Variants in ADPGK observed in about 807,000 individuals in gnomAD.
ADPGK encodes the protein ADP-dependent glucokinase.
A neutral mutation model predicts 42.4 loss-of-function variants in ADPGK; 26 were observed. The observed-to-expected ratio is 0.61, with a 90% CI of 0.45 to 0.85. ADPGK has a LOEUF of 0.85. ADPGK is among the 40% of genes least tolerant of loss of function. The probability of loss-of-function intolerance (pLI) is 0.00; values close to 1 mark genes in which losing one functional copy is unlikely to be tolerated. For missense variants in ADPGK, 571 were observed against 627.0 expected (o/e 0.91, Z 0.95); for synonymous variants, 267 against 252.6 (o/e 1.06, Z -0.54).
chr15:72,780,400 A>C (rs374429575), intron 1 of ADPGK, among the ~76,000 whole-genome samples: 2 of 152,322 alleles, frequency 1.3e-5, no homozygotes, highest in South Asian at 2.1e-4. Flanking sequence ...CCATGATTCA[A>C]TTACCTCCAC....
chr15:72,768,952 T>G (rs2066293792), intron 3 of ADPGK, among the ~76,000 whole-genome samples: 1 of 142,838 alleles, frequency 7.0e-6, no homozygotes, highest in Non-Finnish European at 1.5e-5. Context: ...CCAGCCTGGA[T>G]GACAAGGCCA....
At chr15:72,766,836 CAT>C (rs1169362785) in intron 3 of ADPGK, among the ~76,000 whole-genome samples, 1 of 151,660 alleles carries the variant, frequency 6.6e-6, no homozygotes, top group Non-Finnish European at 1.5e-5. Context: ...AAAATGAAAT[CAT>C]AGAAAATAAT....
intron 4 of ADPGK, among the ~76,000 whole-genome samples, chr15:72,759,397 T>C (rs1015237829): frequency 7.2e-5 from 11 of 152,236 alleles, no homozygotes; most frequent in African/African-American, 2.7e-4. Context: ...AAGTATGAAT[T>C]GCCTACGTCA....
chr15:72,774,567 C>T (rs1402252269), intron 2 of ADPGK, among the ~76,000 whole-genome samples: 1 of 152,156 alleles, frequency 6.6e-6, no homozygotes, highest in African/African-American at 2.4e-5. Flanking sequence ...AAAGGAGGTT[C>T]TCAGACCTAC....
At position 72,764,919 on chromosome 15, in the gene ADPGK, T is replaced by TAA. The variant is rs377535649; in HGVS notation, c.523-4394_523-4393dup. Among the ~76,000 whole-genome samples the TAA allele has an allele frequency of 2.1e-4, 32 of 150,516 alleles. No individual in the cohort carries two copies. The South Asian group carries it at 3.1e-3, about 15-fold the overall frequency. ...CTACTCTGCCTGTGTTCTATATATA[T>TAA]AACAAAGCCTGAATGACAGCATACC... On this transcript the variant is annotated intron_variant, in intron 3 of 6. Transcript: ENST00000456471.
chr15:72,761,822 C>T (rs911383262), intron 3 of ADPGK, among the ~76,000 whole-genome samples: 1 of 152,064 alleles, frequency 6.6e-6, no homozygotes. Flanking sequence ...CCTCAGCCTC[C>T]CGAGTAGCTG....
At chr15:72,761,288 G>A (rs1444027184) in intron 3 of ADPGK, among the ~76,000 whole-genome samples, 1 of 152,172 alleles carries the variant, frequency 6.6e-6, no homozygotes, top group Non-Finnish European at 1.5e-5. Context: ...CAACAAAGCT[G>A]CCAGATGAAA....
At chr15:72,759,724 T>G (rs1463294860) in intron 4 of ADPGK, among the ~76,000 whole-genome samples, 1 of 152,216 alleles carries the variant, frequency 6.6e-6, no homozygotes. Flanking sequence ...GTCTGAGTTC[T>G]GAGCAGAGGG....
At chr15:72,767,124 A>G (rs1175040984) in intron 3 of ADPGK, among the ~76,000 whole-genome samples, 1 of 152,226 alleles carries the variant, frequency 6.6e-6, no homozygotes, top group Non-Finnish European at 1.5e-5. Context: ...ATACTAATCA[A>G]ATGAAAGCTG....
At chr15:72,756,536 G>A in intron 4 of ADPGK, 89 bp from the exon 5 acceptor site, 1 of 1,413,020 alleles carries the variant, frequency 7.1e-7, no homozygotes, top group Middle Eastern at 1.8e-4. Flanking sequence ...CCTCACAGGA[G>A]CCTTGGCTCC....
rs2066051666 is a variant in ADPGK, at chr15:72,752,009, T to C, written c.*332A>G. ...GGTGAGTGGGCGTGCACTTCTCAAG[T>C]GGGCAAGGAAGAACTGCTTTTCTCC... On this transcript the variant is annotated 3_prime_UTR_variant, in exon 7 of 7. Coordinates refer to ENST00000456471, the MANE Select transcript of ADPGK (RefSeq NM_001365225.1). 3.7e-6 allele frequency: 1 copy of C among 270,016 alleles called. No homozygotes were observed. The highest frequency in any genetic ancestry group is 5.7e-5 in the South Asian group (1 of 17,660). The allele number at this position is 270,016 out of a possible 1,614,324, so 16.7% of individuals were successfully genotyped here.
In ADPGK at chr15:72,752,474, T is replaced by C; in HGVS notation, c.1361A>G (p.Glu454Gly). Residue 454 changes from glutamate to glycine, a missense_variant, in exon 7 of 7, where the codon GAA becomes GGA. Physicochemically the swap from Glu to Gly is moderately conservative, Grantham distance 98. This residue lies in a region of ADPGK where 434 missense variants were observed against 522.7 expected (regional missense o/e 0.83). Transcript: ENST00000456471. ...GAAGGATATTCCCTCTCTGTGCCATTCTACTACTGGCTTGTTTGGGTTTAA... is the reference window on the plus strand; with the variant it reads ...GAAGGATATTCCCTCTCTGTGCCATCCTACTACTGGCTTGTTTGGGTTTAA... ...IVLNPNKPVV[E>G]WHREGISFHF... The C allele has an allele frequency of 2.5e-6, 4 of 1,614,166 alleles. No homozygotes were observed. The highest frequency in any genetic ancestry group is 3.4e-6 in the Non-Finnish European group (4 of 1,180,028).
chr15:72,771,002 T>C (rs559811941), intron 3 of ADPGK, among the ~76,000 whole-genome samples: 2 of 152,352 alleles, frequency 1.3e-5, no homozygotes, highest in Admixed American at 1.3e-4. Flanking sequence ...ATTTACTCCA[T>C]AATCATCTTT....
Position 72,752,501 on chromosome 15 carries a change from A to G in ADPGK, c.1334T>C (p.Val445Ala). The stretch of plus-strand genomic sequence containing the variant: ...TACTACTGGCTTGTTTGGGTTTAAT[A>G]CAATCCTGGAGCCTGCCTCCGAATG... ...TSHSEAGSRI[V>A]LNPNKPVVEW... Residue 445 changes from valine (V) to alanine (A), a missense_variant, in exon 7 of 7, where the codon GTA (valine) becomes GCA (alanine). Val to Ala is a moderately conservative substitution (Grantham distance 64). Around this residue, in one of 2 missense-constraint regions of ADPGK, gnomAD observed 434 missense variants for 522.7 expected, o/e 0.83. Coordinates refer to ENST00000456471, the MANE Select transcript of ADPGK (RefSeq NM_001365225.1). 1 of 1,614,168 alleles carries G rather than the reference A, an allele frequency of 6.2e-7. No homozygotes were observed. The highest frequency in any genetic ancestry group is 8.5e-7 in the Non-Finnish European group (1 of 1,180,046).
At chr15:72,781,221 A>G (rs2066454176) in intron 1 of ADPGK, among the ~76,000 whole-genome samples, 1 of 152,198 alleles carries the variant, frequency 6.6e-6, no homozygotes, top group African/African-American at 2.4e-5. Context: ...CCACTGCTCA[A>G]AATCCACCCT....
At chr15:72,776,470 A>G (rs2066393977) in intron 1 of ADPGK, among the ~76,000 whole-genome samples, 1 of 152,192 alleles carries the variant, frequency 6.6e-6, no homozygotes, top group Non-Finnish European at 1.5e-5. Flanking sequence ...AGGTAAACTC[A>G]TTAATAAAAA....
At chr15:72,762,233 A>C (rs1407281770) in intron 3 of ADPGK, among the ~76,000 whole-genome samples, 1 of 151,522 alleles carries the variant, frequency 6.6e-6, no homozygotes, top group Non-Finnish European at 1.5e-5. Flanking sequence ...CTAGTCTCGA[A>C]CTCCTGAGCT....
In ADPGK at chr15:72,755,410, A is replaced by C. The variant is rs1370356020; in HGVS notation, c.939+146T>G. The C allele has an allele frequency of 9.9e-6, 6 of 604,392 alleles. No individual in the cohort carries two copies. In the East Asian group the frequency reaches 1.7e-4, roughly 17 times the overall value. 37.4% of individuals were successfully genotyped at this position (604,392 alleles called of 1,614,324 possible). Reference sequence around the variant, plus strand: ...AGAACAGTCCTGGATCCTTATTTGGATCTCCATGGACTTGGGTCTGAGTGA... The same window carrying C: ...AGAACAGTCCTGGATCCTTATTTGGCTCTCCATGGACTTGGGTCTGAGTGA... On this transcript the variant is annotated intron_variant, in intron 6 of 6. Coordinates refer to ENST00000456471, the MANE Select transcript of ADPGK (RefSeq NM_001365225.1).
intron 3 of ADPGK, among the ~76,000 whole-genome samples, chr15:72,768,561 G>A (rs1022594077): frequency 3.9e-5 from 6 of 152,024 alleles, no homozygotes; most frequent in African/African-American, 4.8e-5. Flanking sequence ...CCAGCTACTC[G>A]GGAGGCTGAG....
Sources: allele counts gnomAD v4.1 joint callset (sites outside exome capture counted in the v4.1 genomes callset), GRCh38; gene constraint gnomAD v4.1.1; regional missense constraint gnomAD v4.1.1; transcripts MANE v1.5; gene names NCBI Gene and HGNC (gene_info 2026-07-23, HGNC 2026-07-21).